Variants in ZNF174 observed in about 807,000 individuals in gnomAD.
ZNF174 encodes AW-1.
ZNF174 carries 30 observed loss-of-function variants against 38.7 expected under a neutral mutation model. That is an observed-to-expected ratio of 0.78 (90% CI 0.58 to 1.05). ZNF174 has a LOEUF of 1.05. Among genes scored for constraint, ZNF174 ranks in the 50% least tolerant of loss-of-function variants. The pLI is 0.00. For missense variants in ZNF174, 499 were observed against 495.6 expected (o/e 1.01, Z -0.06); for synonymous variants, 201 against 181.7 (o/e 1.11, Z -0.86).
intron 1 of ZNF174, among the ~76,000 whole-genome samples, chr16:3,404,197 A>T (rs1343338086): frequency 4.5e-4 from 69 of 152,316 alleles, no homozygotes; most frequent in African/African-American, 1.6e-3. Context: ...CCCTTGAGAA[A>T]GGCCCAAGCT....
chr16:3,404,648 G>A lies in ZNF174; in HGVS notation c.625G>A (p.Glu209Lys), dbSNP rs1472020035. 1 of 1,614,048 alleles carries A rather than the reference G, an allele frequency of 6.2e-7. No homozygotes were observed. The highest frequency in any genetic ancestry group is 8.5e-7 in the Non-Finnish European group (1 of 1,180,022). ...QEPTPKLAGT[E>K]APRMRSDNKE... Reference sequence around the variant, plus strand: ...ACCAACCCCCAAATTGGCTGGGACAGGTAAACACTCTGCCTTTTCTCTCCC... The same window carrying A: ...ACCAACCCCCAAATTGGCTGGGACAAGTAAACACTCTGCCTTTTCTCTCCC... Residue 209 changes from glutamate to lysine, a missense_variant and splice_region_variant, in exon 2 of 3, where the codon GAG becomes AAG. By Grantham distance (56) the Glu-to-Lys change is moderately conservative. Transcript: ENST00000268655.
Position 3,409,088 on chromosome 16 carries a change from C to T in ZNF174, c.*169C>T. On this transcript the variant is annotated 3_prime_UTR_variant, in exon 3 of 3. Transcript: ENST00000268655. ...GAGGCCCAGAAAAGGCCAACCAGGG[C>T]CCAACCGTGCATGATGACAGGGTGA... 1.4e-6 allele frequency: 1 copy of T among 703,714 alleles called. No individual in the cohort carries two copies. The highest frequency in any genetic ancestry group is 1.9e-5 in the South Asian group (1 of 54,052). The allele number at this position is 703,714 out of a possible 1,614,324, so 43.6% of individuals were successfully genotyped here.
At chr16:3,408,269 G>A (rs1402711279) in intron 2 of ZNF174, 52 bp from the exon 3 acceptor site, 3 of 1,500,810 alleles carry the variant, frequency 2.0e-6, no homozygotes, top group Non-Finnish European at 2.7e-6. Flanking sequence ...AACTCTTGCT[G>A]AAGTTATTTC....
Position 3,408,939 on chromosome 16 carries a change from A to C in ZNF174, c.*20A>C, listed in dbSNP as rs1359098253. 6.4e-7 allele frequency: 1 copy of C among 1,574,020 alleles called. No individual in the cohort carries two copies. Reference sequence around the variant, plus strand: ...GACTAAAAGGAGCACTCCATGCTTTAGATTCACACGGAAGGTGTTTGTGTT... The same window carrying C: ...GACTAAAAGGAGCACTCCATGCTTTCGATTCACACGGAAGGTGTTTGTGTT... On this transcript the variant is annotated 3_prime_UTR_variant, in exon 3 of 3. Coordinates refer to ENST00000268655, the MANE Select transcript of ZNF174 (RefSeq NM_003450.3).
At chr16:3,406,438 C>T (rs1483381163) in intron 2 of ZNF174, among the ~76,000 whole-genome samples, 1 of 152,218 alleles carries the variant, frequency 6.6e-6, no homozygotes, top group Non-Finnish European at 1.5e-5. Flanking sequence ...TCCGATTTCT[C>T]CACATTCTTG....
chr16:3,408,827 G>A lies in ZNF174; in HGVS notation c.1132G>A (p.Gly378Arg). 1 of 1,614,172 alleles carries A rather than the reference G, an allele frequency of 6.2e-7. No homozygotes were observed. The highest frequency in any genetic ancestry group is 8.5e-7 in the Non-Finnish European group (1 of 1,180,030). The stretch of plus-strand genomic sequence containing the variant: ...GAAGCTGCACCAGAGGATCCACACT[G>A]GAGAGAAGCCATACCAGTGTGGCCA... ...TLKLHQRIHT[G>R]EKPYQCGQCG... is the part of the protein sequence containing the mutation. Residue 378 changes from glycine (G) to arginine (R), a missense_variant, in exon 3 of 3, where the codon GGA (glycine) becomes AGA (arginine). Gly to Arg is a moderately radical substitution (Grantham distance 125, BLOSUM62 -2). Coordinates refer to ENST00000268655, the MANE Select transcript of ZNF174 (RefSeq NM_003450.3).
chr16:3,404,829 T>C, intron 2 of ZNF174, 181 bp downstream of exon 2: 5 of 1,583,558 alleles, frequency 3.2e-6, no homozygotes, highest in East Asian at 2.2e-5. Context: ...CAAGTAAGTA[T>C]GTTTTTATCG....
In ZNF174 at chr16:3,402,218, C is replaced by A; in HGVS notation, c.214C>A (p.Arg72Ser). ...TCTCTCCCAGCTCCGACAGCTCTGC[C>A]GTCAGTGGTTGCAACCCGAGCTGCA... ...EALSQLRQLC[R>S]QWLQPELHTK... Residue 72 changes from arginine to serine, a missense_variant, in exon 1 of 3, where the codon CGT becomes AGT. Arg to Ser is a moderately radical substitution (Grantham distance 110, BLOSUM62 -1). Transcript: ENST00000268655. 1 of 1,614,124 alleles carries A rather than the reference C, an allele frequency of 6.2e-7. No homozygotes were observed. The highest frequency in any genetic ancestry group is 2.2e-5 in the East Asian group (1 of 44,878).
rs551685791 is a variant in ZNF174, at chr16:3,406,500, T to G, written c.626-1821T>G. 1.7e-4 allele frequency among the ~76,000 whole-genome samples: 26 copies of G among 152,214 alleles called. 1 individual carries two copies. Among genetic ancestry groups the G allele is most frequent in the Non-Finnish European group, 3.4e-4 (23 of 68,034 alleles). ...ATCCTATTCGGTGAGAAATTTTGATTTGAGGTTTTGATTTACATTTCCCTA... is the reference window on the plus strand; with the variant it reads ...ATCCTATTCGGTGAGAAATTTTGATGTGAGGTTTTGATTTACATTTCCCTA... On this transcript the variant is annotated intron_variant, in intron 2 of 2. Transcript: ENST00000268655.
At position 3,401,277 on chromosome 16, in the gene ZNF174, C is replaced by G. The variant is rs890713777; in HGVS notation, c.-728C>G. ...GTCTTGGGTTCCCGGAGAGGTGAGT[C>G]GGCTGCAGGTGGGTGCGGGGCGCCG... On this transcript the variant is annotated 5_prime_UTR_variant, in exon 1 of 3. Coordinates refer to ENST00000268655, the MANE Select transcript of ZNF174 (RefSeq NM_003450.3). 3.9e-5 allele frequency: 6 copies of G among 152,626 alleles called. No individual in the cohort carries two copies. The highest frequency in any genetic ancestry group is 2.6e-4 in the Admixed American group (4 of 15,302). The allele number at this position is 152,626 out of a possible 1,614,324, so 9.5% of individuals were successfully genotyped here. A position where few individuals can be genotyped will look rare whatever the true frequency, so the allele number is the denominator to read the frequency against.
chr16:3,401,992 C>G lies in ZNF174; in HGVS notation c.-13C>G. The G allele has an allele frequency of 6.2e-7, 1 of 1,611,024 alleles. No homozygotes were observed. Among genetic ancestry groups the G allele is most frequent in the Admixed American group, 1.7e-5 (1 of 59,074 alleles). On this transcript the variant is annotated 5_prime_UTR_variant, in exon 1 of 3. Transcript: ENST00000268655. ...CCCGTTTACAAGGAGAGAGTTGTCT[C>G]CTGACGCCCAAAATGGCAGCTAAAA...
At chr16:3,407,233 G>T (rs577990704) in intron 2 of ZNF174, among the ~76,000 whole-genome samples, 51 of 152,014 alleles carry the variant, frequency 3.4e-4, no homozygotes, top group Admixed American at 7.9e-4. Context: ...CATTTATGAG[G>T]ACCCCACCCT....
At chr16:3,405,031 A>G in intron 2 of ZNF174, 1 of 1,598,738 alleles carries the variant, frequency 6.3e-7, no homozygotes, top group Non-Finnish European at 8.5e-7. Context: ...ATAAAAACCC[A>G]CCCTATATCT....
Position 3,408,748 on chromosome 16 carries a change from G to C in ZNF174, c.1053G>C (p.Glu351Asp). ...GACACAAGAGAGTCCACACAGGAGA[G>C]AGACCCTACACGTGCGGAGAGTGTG... ...LKRHKRVHTG[E>D]RPYTCGECGN... The change falls in exon 3 of 3, where the codon GAG (glutamate) becomes GAC (aspartate). Residue 351 changes from glutamate (E) to aspartate (D), a missense_variant. Physicochemically the swap from Glu to Asp is conservative, Grantham distance 45. Coordinates refer to ENST00000268655, the MANE Select transcript of ZNF174 (RefSeq NM_003450.3). 1 of 1,614,138 alleles carries C rather than the reference G, an allele frequency of 6.2e-7. No homozygotes were observed. The highest frequency in any genetic ancestry group is 8.5e-7 in the Non-Finnish European group (1 of 1,180,034).
rs192461160 is a variant in ZNF174 at position 3,404,599 on chromosome 16, G to A, written c.576G>A (p.Trp192Ter). ...GAYDRLSPHH[W>*]EKSPLLQEPT... ...ATGACCGGCTGAGCCCCCATCATTG[G>A]GAGAAATCCCCACTCCTCCAAGAAC... The change falls in exon 2 of 3, where the codon TGG becomes TGA. Residue 192 changes from tryptophan (W) to a stop codon, truncating the protein, a stop_gained. Coordinates refer to ENST00000268655, the MANE Select transcript of ZNF174 (RefSeq NM_003450.3). LOFTEE classifies it high-confidence loss of function. The A allele has an allele frequency of 6.2e-7, 1 of 1,614,160 alleles. No individual in the cohort carries two copies. The highest frequency in any genetic ancestry group is 1.7e-5 in the Admixed American group (1 of 60,016).
rs139407497 is a variant in ZNF174, at chr16:3,408,567, G to A, written c.872G>A (p.Ser291Asn). Reference protein sequence around the residue: ...RVEYISSPLKSHPLRELKKSK... With the variant: ...RVEYISSPLKNHPLRELKKSK... Reference sequence around the variant, plus strand: ...GAATACATCAGCAGCCCCCTAAAAAGCCACCCACTGAGAGAGCTAAAGAAA... The same window carrying A: ...GAATACATCAGCAGCCCCCTAAAAAACCACCCACTGAGAGAGCTAAAGAAA... The change falls in exon 3 of 3, where the codon AGC becomes AAC. Residue 291 changes from serine to asparagine, a missense_variant. Coordinates refer to ENST00000268655, the MANE Select transcript of ZNF174 (RefSeq NM_003450.3). The A allele has an allele frequency of 6.2e-7, 1 of 1,613,996 alleles. No homozygotes were observed. Among genetic ancestry groups the A allele is most frequent in the Non-Finnish European group, 8.5e-7 (1 of 1,180,024 alleles).
chr16:3,408,985 T>G lies in ZNF174; in HGVS notation c.*66T>G, dbSNP rs1013664091. 2.8e-6 allele frequency: 4 copies of G among 1,435,916 alleles called. No individual in the cohort carries two copies. The highest frequency in any genetic ancestry group is 2.9e-5 in the African/African-American group (2 of 70,122). 88.9% of individuals were successfully genotyped at this position (1,435,916 alleles called of 1,614,324 possible). A position where few individuals can be genotyped will look rare whatever the true frequency, so the allele number is the denominator to read the frequency against. On this transcript the variant is annotated 3_prime_UTR_variant, in exon 3 of 3. Coordinates refer to ENST00000268655, the MANE Select transcript of ZNF174 (RefSeq NM_003450.3). The stretch of plus-strand genomic sequence containing the variant: ...GTGTTTCTCCTCCCCCTTACTTGCA[T>G]GTAAATCACAAAAACTGTGTGACTT...
chr16:3,401,918 C>A lies in ZNF174; in HGVS notation c.-87C>A. 6.7e-7 allele frequency: 1 copy of A among 1,492,812 alleles called. No homozygotes were observed. The highest frequency in any genetic ancestry group is 9.0e-7 in the Non-Finnish European group (1 of 1,105,072). The allele number at this position is 1,492,812 out of a possible 1,614,324, so 92.5% of individuals were successfully genotyped here. On this transcript the variant is annotated 5_prime_UTR_variant, in exon 1 of 3. Coordinates refer to ENST00000268655, the MANE Select transcript of ZNF174 (RefSeq NM_003450.3). The stretch of plus-strand genomic sequence containing the variant: ...CTCAGAGAACCTTCGTTTCTAGAAT[C>A]TTTCTAGTATTCAGAGACTTCTCCA...
chr16:3,404,607 C>A lies in ZNF174; in HGVS notation c.584C>A (p.Ser195Tyr). 1 of 1,614,226 alleles carries A rather than the reference C, an allele frequency of 6.2e-7. No individual in the cohort carries two copies. Among genetic ancestry groups the A allele is most frequent in the Non-Finnish European group, 8.5e-7 (1 of 1,180,038 alleles). The change falls in exon 2 of 3, where the codon TCC becomes TAC. Residue 195 changes from serine (S) to tyrosine (Y), a missense_variant. Ser to Tyr is a moderately radical substitution (Grantham distance 144). Coordinates refer to ENST00000268655, the MANE Select transcript of ZNF174 (RefSeq NM_003450.3). ...DRLSPHHWEK[S>Y]PLLQEPTPKL... ...CTGAGCCCCCATCATTGGGAGAAAT[C>A]CCCACTCCTCCAAGAACCAACCCCC...
Sources: allele counts gnomAD v4.1 joint callset (sites outside exome capture counted in the v4.1 genomes callset), GRCh38; gene constraint gnomAD v4.1.1; transcripts MANE v1.5; gene names NCBI Gene and HGNC (gene_info 2026-07-23, HGNC 2026-07-21).